NUBPL: variants seen among roughly 807,000 people sequenced by gnomAD.
The protein encoded by NUBPL is iron-sulfur cluster transfer protein NUBPL.
A neutral mutation model predicts 45.7 loss-of-function variants in NUBPL; 31 were observed. The observed-to-expected ratio is 0.68, with a 90% CI of 0.51 to 0.92. The LOEUF is 0.92. Among genes scored for constraint, NUBPL ranks in the 40% least tolerant of loss-of-function variants. The pLI is 0.00. For synonymous variants in NUBPL, 144 were observed against 140.9 expected (o/e 1.02, Z -0.15); for missense variants, 401 against 398.7 (o/e 1.01, Z -0.05).
rs768421584 is a variant in NUBPL at position 31,564,997 on chromosome 14, T to C, written c.257-17T>C. On this transcript the variant is annotated splice_polypyrimidine_tract_variant and intron_variant, in intron 2 of 10. Transcript: ENST00000281081. ...AGGAAAGTTACTAAATTCAATTACT[T>C]TTTTTGTTTCTTACAGTGAATCTTG... The C allele has an allele frequency of 2.7e-6, 4 of 1,483,512 alleles. No homozygotes were observed. The highest frequency in any genetic ancestry group is 9.3e-7 in the Non-Finnish European group (1 of 1,074,326). 91.9% of individuals were successfully genotyped at this position (1,483,512 alleles called of 1,614,324 possible).
At chr14:31,750,304 T>C (rs1043465142) in intron 6 of NUBPL, among the ~76,000 whole-genome samples, 26 of 150,596 alleles carry the variant, frequency 1.7e-4, no homozygotes, top group African/African-American at 4.6e-4. Context: ...CCTCTCCGAG[T>C]AGCTGGGACT....
intron 6 of NUBPL, among the ~76,000 whole-genome samples, chr14:31,688,433 C>T (rs1386553852): frequency 2.6e-5 from 4 of 151,732 alleles, no homozygotes; most frequent in Admixed American, 6.6e-5. Context: ...AAAAGTTAGC[C>T]AGGCGTGGTG....
chr14:31,820,879 G>A (rs1442885271), intron 7 of NUBPL, among the ~76,000 whole-genome samples: 1 of 150,138 alleles, frequency 6.7e-6, no homozygotes, highest in African/African-American at 2.5e-5. Flanking sequence ...CCAGCACTTT[G>A]GGAAGCTGAG....
At chr14:31,766,617 TGC>T (rs1338007280) in intron 6 of NUBPL, among the ~76,000 whole-genome samples, 1 of 152,190 alleles carries the variant, frequency 6.6e-6, no homozygotes, top group East Asian at 1.9e-4. Flanking sequence ...CCTCCAAAAC[TGC>T]AGTTATCGCC....
At chr14:31,602,457 T>A (rs1275286237) in intron 4 of NUBPL, among the ~76,000 whole-genome samples, 5 of 151,034 alleles carry the variant, frequency 3.3e-5, no homozygotes. Flanking sequence ...TTTCTATAAT[T>A]CGCTACTACA....
chr14:31,836,944 A>G lies in NUBPL; in HGVS notation c.694-9527A>G, dbSNP rs149447090. Among the ~76,000 whole-genome samples, 555 of 152,368 alleles carry G rather than the reference A, an allele frequency of 3.6e-3. 3 individuals carry two copies. Among genetic ancestry groups the G allele is most frequent in the African/African-American group, 0.013 (521 of 41,594 alleles). Reference sequence around the variant, plus strand: ...GAGCTCTGCACAGAATGAGATAACCATAAAAGAAGATTATCACATTTGGCT... The same window carrying G: ...GAGCTCTGCACAGAATGAGATAACCGTAAAAGAAGATTATCACATTTGGCT... On this transcript the variant is annotated intron_variant, in intron 8 of 10. Transcript: ENST00000281081.
At chr14:31,623,624 C>T (rs531363955) in intron 4 of NUBPL, among the ~76,000 whole-genome samples, 57 of 152,266 alleles carry the variant, frequency 3.7e-4, no homozygotes, top group African/African-American at 1.3e-3. Flanking sequence ...GCTTTGCTTC[C>T]ACTTAGGCTT....
At chr14:31,574,702 G>A (rs2033677181) in intron 3 of NUBPL, among the ~76,000 whole-genome samples, 1 of 143,384 alleles carries the variant, frequency 7.0e-6, no homozygotes, top group Non-Finnish European at 1.5e-5. Context: ...GTGATCTTCT[G>A]CCTCAGCCTT....
At chr14:31,622,443 A>G (rs1046663083) in intron 4 of NUBPL, among the ~76,000 whole-genome samples, 1 of 152,024 alleles carries the variant, frequency 6.6e-6, no homozygotes, top group Non-Finnish European at 1.5e-5. Context: ...CATCACCGAG[A>G]CAATGGGGAG....
intron 6 of NUBPL, among the ~76,000 whole-genome samples, chr14:31,721,778 T>G (rs891308569): frequency 1.3e-5 from 2 of 152,054 alleles, no homozygotes; most frequent in Admixed American, 6.6e-5. Flanking sequence ...TTCTCCACCT[T>G]TAAGTAGACC....
intron 3 of NUBPL, among the ~76,000 whole-genome samples, chr14:31,571,349 C>G (rs1254700457): frequency 6.6e-6 from 1 of 151,852 alleles, no homozygotes; most frequent in African/African-American, 2.4e-5. Flanking sequence ...GATGTGCACC[C>G]ATGGGCTGCT....
intron 6 of NUBPL, among the ~76,000 whole-genome samples, chr14:31,752,112 G>A (rs1388752184): frequency 6.6e-6 from 1 of 152,170 alleles, no homozygotes; most frequent in Non-Finnish European, 1.5e-5. Context: ...GAAGTTCTCT[G>A]AAACGCCCTG....
At chr14:31,609,555 C>T (rs923699837) in intron 4 of NUBPL, among the ~76,000 whole-genome samples, 4 of 152,128 alleles carry the variant, frequency 2.6e-5, no homozygotes, top group Non-Finnish European at 5.9e-5. Flanking sequence ...CAGACTTTAT[C>T]TGTATAGACA....
Position 31,669,132 on chromosome 14 carries a change from A to G in NUBPL, c.383-4223A>G, listed in dbSNP as rs935452518. Among the ~76,000 whole-genome samples the G allele has an allele frequency of 2.0e-5, 3 of 152,166 alleles. No homozygotes were observed. The South Asian group carries it at 6.2e-4, about 32-fold the overall frequency. ...CGAACTTCAGCCTCCTGAGTAGCCA[A>G]GACTACAGGCATGCACCACTGTGCC... On this transcript the variant is annotated intron_variant, in intron 4 of 10. Transcript: ENST00000281081.
chr14:31,583,370 G>A (rs745979229), intron 3 of NUBPL, among the ~76,000 whole-genome samples: 21 of 152,168 alleles, frequency 1.4e-4, no homozygotes, highest in Admixed American at 1.3e-4. Context: ...AGGCATTTCT[G>A]TAAAGCACGT....
At chr14:31,686,525 C>G (rs1166279772) in intron 6 of NUBPL, among the ~76,000 whole-genome samples, 1 of 152,176 alleles carries the variant, frequency 6.6e-6, no homozygotes, top group Non-Finnish European at 1.5e-5. Flanking sequence ...AATCAGGTCT[C>G]TAGCAAAGCA....
chr14:31,605,857 C>T (rs2139581438), intron 4 of NUBPL, among the ~76,000 whole-genome samples: 1 of 145,812 alleles, frequency 6.9e-6, no homozygotes, highest in South Asian at 2.2e-4. Flanking sequence ...CTCCCTTCTC[C>T]TTCCTTGTCT....
chr14:31,735,347 G>A (rs762895822), intron 6 of NUBPL, among the ~76,000 whole-genome samples: 2 of 152,082 alleles, frequency 1.3e-5, no homozygotes, highest in Non-Finnish European at 2.9e-5. Flanking sequence ...ATTACAGATT[G>A]GATATTGTCA....
At chr14:31,846,379 A>G (rs534672784) in intron 8 of NUBPL, 92 bp from the exon 9 acceptor site, 1 of 984,860 alleles carries the variant, frequency 1.0e-6, no homozygotes, top group Admixed American at 2.0e-5. Context: ...GAGTGCCACT[A>G]GAACTCAGTA....
Sources: gnomAD v4.1 joint callset for allele counts (sites outside exome capture counted in the v4.1 genomes callset) on GRCh38, gnomAD v4.1.1 for gene constraint, MANE v1.5 for transcripts, NCBI Gene and HGNC (gene_info 2026-07-23, HGNC 2026-07-21) for gene names.